RNLS: variants seen among roughly 807,000 people sequenced by gnomAD.
The protein encoded by RNLS is renalase, FAD dependent amine oxidase, also known as renalase.
In RNLS, 39 loss-of-function variants were observed where a neutral mutation model predicts 39.8. That is an observed-to-expected ratio of 0.98 (90% confidence interval 0.76 to 1.28). RNLS has a LOEUF of 1.28. Ranked by LOEUF, RNLS falls within the 50% of genes most tolerant of loss-of-function variation. The pLI is 0.00. For missense variants in RNLS, 410 were observed against 413.3 expected, an observed-to-expected ratio of 0.99 and a Z score of 0.07; for synonymous variants, 147 against 150.7, an observed-to-expected ratio of 0.98 and a Z score of 0.18.
chr10:88,437,880 A>C (rs973723800), intron 4 of RNLS, among the ~76,000 whole-genome samples: 5 of 152,038 alleles, frequency 3.3e-5, no homozygotes, highest in South Asian at 2.1e-4. Context: ...TAATCTCAGC[A>C]CTTTGGGAGG....
chr10:88,438,733 GT>G (rs1048866383), intron 4 of RNLS, among the ~76,000 whole-genome samples: 1 of 152,198 alleles, frequency 6.6e-6, no homozygotes, highest in African/African-American at 2.4e-5. Flanking sequence ...TATTTCAACA[GT>G]GTGGGCTGAC....
downstream of RNLS, among the ~76,000 whole-genome samples, chr10:88,270,216 C>T (rs1842612658): frequency 6.6e-6 from 1 of 152,194 alleles, no homozygotes; most frequent in Admixed American, 6.5e-5. Context: ...CTTTGTACTC[C>T]ACGGTGAGTC....
At chr10:88,354,282 C>A (rs577772343) in intron 5 of RNLS, among the ~76,000 whole-genome samples, 1 of 152,196 alleles carries the variant, frequency 6.6e-6, no homozygotes, top group African/African-American at 2.4e-5. Flanking sequence ...TTATTTTGCT[C>A]GTTAGTTGAT....
In RNLS at chr10:88,327,985, T is replaced by A. The variant is rs187622552; in HGVS notation, c.701-13344A>T. Among the ~76,000 whole-genome samples, 24 of 152,350 alleles carry A rather than the reference T, an allele frequency of 1.6e-4. No individual in the cohort carries two copies. In the East Asian group the frequency reaches 4.1e-3, roughly 26 times the overall value. On this transcript the variant is annotated intron_variant, in intron 5 of 6. Transcript: ENST00000331772. ...GTGCAGTGGCACAATCTTGGCTCAC[T>A]GCAACCTCTGCCTCCCAGGTTCAAG...
At chr10:88,312,826 A>G (rs901502512) in intron 6 of RNLS, among the ~76,000 whole-genome samples, 7 of 151,932 alleles carry the variant, frequency 4.6e-5, no homozygotes, top group Non-Finnish European at 7.4e-5. Context: ...AGAGGAAGTT[A>G]TAGAGATTTC....
intron 5 of RNLS, among the ~76,000 whole-genome samples, chr10:88,339,343 G>A (rs1194858565): frequency 6.6e-6 from 1 of 152,154 alleles, no homozygotes; most frequent in Non-Finnish European, 1.5e-5. Context: ...TAGTTTCTAG[G>A]TATCAGTCAA....
chr10:88,254,868 TAA>T, the RNLS span, among the ~76,000 whole-genome samples: 1 of 152,184 alleles, frequency 6.6e-6, no homozygotes, highest in African/African-American at 2.4e-5. Context: ...ACTCTCAAGG[TAA>T]GTGTGTCATC....
chr10:88,534,023 G>C (rs552709067), intron 4 of RNLS, among the ~76,000 whole-genome samples: 2 of 151,846 alleles, frequency 1.3e-5, no homozygotes, highest in Non-Finnish European at 2.9e-5. Context: ...GGAAGAGAAG[G>C]TGTGATTAGA....
intron 4 of RNLS, among the ~76,000 whole-genome samples, chr10:88,570,857 A>T (rs1849777757): frequency 6.6e-6 from 1 of 152,226 alleles, no homozygotes; most frequent in Non-Finnish European, 1.5e-5. Context: ...TATGCAAGGT[A>T]AGTAAATCCT....
chr10:88,256,751 G>C, the RNLS span, among the ~76,000 whole-genome samples: 2 of 152,112 alleles, frequency 1.3e-5, no homozygotes, highest in African/African-American at 4.8e-5. Flanking sequence ...CCCTCTGGTG[G>C]CATCTTAGTC....
At chr10:88,508,786 A>G (rs1255166223) in intron 4 of RNLS, among the ~76,000 whole-genome samples, 5 of 152,246 alleles carry the variant, frequency 3.3e-5, no homozygotes, top group Non-Finnish European at 7.4e-5. Context: ...CTGTTTATAC[A>G]GAGGAAAACT....
chr10:88,404,658 A>G (rs1266650297), intron 4 of RNLS, among the ~76,000 whole-genome samples: 1 of 152,076 alleles, frequency 6.6e-6, no homozygotes, highest in Non-Finnish European at 1.5e-5. Flanking sequence ...ATGAGGAAGT[A>G]GCAAAATAAT....
At chr10:88,308,687 T>G (rs934495863) in intron 6 of RNLS, among the ~76,000 whole-genome samples, 2 of 152,144 alleles carry the variant, frequency 1.3e-5, no homozygotes, top group African/African-American at 4.8e-5. Flanking sequence ...GTAAATTAGT[T>G]CAACCATTGT....
the RNLS span, among the ~76,000 whole-genome samples, chr10:88,228,127 C>A: frequency 2.0e-5 from 3 of 152,150 alleles, no homozygotes; most frequent in African/African-American, 7.2e-5. Flanking sequence ...ATTTTCCTAG[C>A]AAACATGGTT....
intron 4 of RNLS, among the ~76,000 whole-genome samples, chr10:88,552,534 A>G (rs1848649506): frequency 1.3e-5 from 2 of 152,250 alleles, no homozygotes; most frequent in South Asian, 4.1e-4. Flanking sequence ...TGTAAAAGGT[A>G]GAAGAGTAGT....
intron 6 of RNLS, among the ~76,000 whole-genome samples, chr10:88,292,894 T>C (rs1439149722): frequency 1.3e-5 from 2 of 150,384 alleles, no homozygotes; most frequent in African/African-American, 2.5e-5. Context: ...AAAAAAAAAA[T>C]ACAAAAATTA....
chr10:88,282,910 A>G (rs1843075463), downstream of RNLS, among the ~76,000 whole-genome samples: 1 of 152,172 alleles, frequency 6.6e-6, no homozygotes, highest in Admixed American at 6.5e-5. Flanking sequence ...AAATCACCCC[A>G]CTGCTCAAGC....
the RNLS span, among the ~76,000 whole-genome samples, chr10:88,247,969 CAGAA>C: frequency 1.6e-4 from 25 of 152,178 alleles, no homozygotes; most frequent in Non-Finnish European, 3.5e-4. Flanking sequence ...CTAGAGCCTC[CAGAA>C]AGAAACACAG....
chr10:88,397,400 C>T (rs755008580), intron 4 of RNLS, among the ~76,000 whole-genome samples: 14 of 151,818 alleles, frequency 9.2e-5, no homozygotes, highest in African/African-American at 2.4e-4. Flanking sequence ...TAACAAGGGA[C>T]GTTAGAAAAT....
Sources: allele counts gnomAD v4.1 joint callset (sites outside exome capture counted in the v4.1 genomes callset), GRCh38; gene constraint gnomAD v4.1.1; transcripts MANE v1.5; gene names NCBI Gene and HGNC (gene_info 2026-07-23, HGNC 2026-07-21).